CTNNA3: variants seen among roughly 807,000 people sequenced by gnomAD.
The protein encoded by CTNNA3 is catenin alpha-3.
A neutral mutation model predicts 95.7 loss-of-function variants in CTNNA3; 76 were observed. The observed-to-expected ratio is 0.79, with a 90% confidence interval of 0.66 to 0.96. The LOEUF (loss-of-function observed/expected upper bound fraction) is 0.96, where lower values mean the gene tolerates loss of function less well. Among genes scored for constraint, CTNNA3 ranks in the 40% least tolerant of loss-of-function variants. The pLI is 0.00. For missense variants in CTNNA3, 1,191 were observed against 1,089.8 expected (o/e 1.09, Z -1.31); for synonymous variants, 431 against 374.4 (o/e 1.15, Z -1.74).
chr10:66,558,771 G>A (rs1035711134), intron 10 of CTNNA3, among the ~76,000 whole-genome samples: 5 of 152,060 alleles, frequency 3.3e-5, no homozygotes, highest in Admixed American at 3.3e-4. Flanking sequence ...AACTGCTGTG[G>A]GGGAAATGAC....
intron 10 of CTNNA3, among the ~76,000 whole-genome samples, chr10:66,543,941 A>G (rs1029489474): frequency 2.2e-5 from 3 of 134,818 alleles, no homozygotes; most frequent in Non-Finnish European, 4.7e-5. Flanking sequence ...ATATATATAT[A>G]TATATATATA....
intron 2 of CTNNA3, among the ~76,000 whole-genome samples, chr10:67,635,202 GC>G (rs1348109895): frequency 2.0e-5 from 3 of 151,970 alleles, no homozygotes; most frequent in Non-Finnish European, 4.4e-5. Flanking sequence ...CAAAAAAAAG[GC>G]CCATGACCAG....
chr10:66,487,181 A>ATTTTTTTTTTTTTTTTTTTT (rs60547696), intron 11 of CTNNA3, among the ~76,000 whole-genome samples: 1 of 45,986 alleles, frequency 2.2e-5, no homozygotes, highest in African/African-American at 9.0e-5. Context: ...AAAAGGGCAG[A>ATTTTTTTTTTTTTTTTTTTT]TTTTTTTTTT....
intron 10 of CTNNA3, among the ~76,000 whole-genome samples, chr10:66,525,024 G>T (rs537482208): frequency 1.3e-5 from 2 of 151,652 alleles, no homozygotes; most frequent in Non-Finnish European, 2.9e-5. Context: ...ACTCCAGCCT[G>T]GGCAATAAGA....
intron 15 of CTNNA3, among the ~76,000 whole-genome samples, chr10:65,993,719 C>A (rs1440660307): frequency 6.6e-6 from 1 of 152,040 alleles, no homozygotes; most frequent in Non-Finnish European, 1.5e-5. Context: ...GTTTTCAAAT[C>A]CATTCAGCCA....
chr10:67,717,815 C>T (rs1841153218), intron 1 of CTNNA3, among the ~76,000 whole-genome samples: 1 of 151,990 alleles, frequency 6.6e-6, no homozygotes, highest in Non-Finnish European at 1.5e-5. Context: ...TTTTTTGGTT[C>T]CATATGAAAT....
intron 11 of CTNNA3, among the ~76,000 whole-genome samples, chr10:66,421,605 G>C (rs569351177): frequency 5.3e-5 from 8 of 151,766 alleles, no homozygotes; most frequent in Non-Finnish European, 8.8e-5. Context: ...AGCACTTTGG[G>C]AGGCAGATAA....
chr10:67,619,409 T>G (rs1006143056), intron 2 of CTNNA3, among the ~76,000 whole-genome samples: 3 of 152,124 alleles, frequency 2.0e-5, no homozygotes, highest in African/African-American at 7.2e-5. Context: ...AAACTGGATA[T>G]CCATACACAG....
At chr10:66,577,972 C>A (rs896932243) in intron 10 of CTNNA3, among the ~76,000 whole-genome samples, 24 of 151,766 alleles carry the variant, frequency 1.6e-4, no homozygotes, top group African/African-American at 5.8e-4. Flanking sequence ...AATATTTTTC[C>A]ATGTGTTTGC....
chr10:66,961,673 C>G (rs1849115461), intron 7 of CTNNA3, among the ~76,000 whole-genome samples: 1 of 152,066 alleles, frequency 6.6e-6, no homozygotes, highest in Non-Finnish European at 1.5e-5. Flanking sequence ...TGATCTCTCC[C>G]CTGAATTCTA....
intron 15 of CTNNA3, among the ~76,000 whole-genome samples, chr10:66,005,204 C>T (rs909612371): frequency 1.3e-5 from 2 of 152,138 alleles, no homozygotes; most frequent in African/African-American, 4.8e-5. Context: ...TGGACCAACA[C>T]AGATGATTTA....
At chr10:67,700,576 G>A (rs181733854), upstream of CTNNA3, among the ~76,000 whole-genome samples, 963 of 152,312 alleles carry the variant, frequency 6.3e-3, 14 homozygotes, top group African/African-American at 0.022. Flanking sequence ...CTGAATGTTA[G>A]AAGGAAAACT....
At chr10:67,167,668 T>C (rs185108471) in intron 7 of CTNNA3, among the ~76,000 whole-genome samples, 19 of 152,302 alleles carry the variant, frequency 1.2e-4, no homozygotes, top group East Asian at 1.2e-3. Context: ...CTATGACATA[T>C]AGAAAATTTC....
At chr10:67,050,018 T>TTTGTA (rs1854985874) in intron 7 of CTNNA3, among the ~76,000 whole-genome samples, 1 of 152,226 alleles carries the variant, frequency 6.6e-6, no homozygotes, top group African/African-American at 2.4e-5. Context: ...TGTAAGTTAG[T>TTTGTA]AGATGCTGAT....
chr10:67,551,466 A>G (rs1332872419), intron 3 of CTNNA3, among the ~76,000 whole-genome samples: 1 of 152,124 alleles, frequency 6.6e-6, no homozygotes, highest in Non-Finnish European at 1.5e-5. Context: ...GTGTGATCCA[A>G]TTCTTCTGGT....
intron 2 of CTNNA3, among the ~76,000 whole-genome samples, chr10:67,635,120 G>A (rs1839263916): frequency 6.6e-6 from 1 of 151,874 alleles, no homozygotes; most frequent in Admixed American, 6.6e-5. Context: ...GACTGAACCA[G>A]GAAAAAACTG....
At chr10:67,728,954 T>C (rs1190249812) in intron 1 of CTNNA3, among the ~76,000 whole-genome samples, 2 of 152,148 alleles carry the variant, frequency 1.3e-5, no homozygotes, top group Non-Finnish European at 2.9e-5. Context: ...CTAGAGGAAA[T>C]GATGCCTCCT....
intron 10 of CTNNA3, among the ~76,000 whole-genome samples, chr10:66,545,192 C>T (rs1053375786): frequency 6.6e-6 from 1 of 151,920 alleles, no homozygotes; most frequent in African/African-American, 2.4e-5. Context: ...AACCAATACC[C>T]AAGTTGTGGA....
chr10:67,639,124 AG>A (rs1839430883), intron 2 of CTNNA3, among the ~76,000 whole-genome samples: 1 of 152,176 alleles, frequency 6.6e-6, no homozygotes, highest in African/African-American at 2.4e-5. Context: ...AGACTAATAA[AG>A]AAGAAAAAGA....
Sources: allele counts gnomAD v4.1 joint callset (sites outside exome capture counted in the v4.1 genomes callset), GRCh38; gene constraint gnomAD v4.1.1; transcripts MANE v1.5; gene names NCBI Gene and HGNC (gene_info 2026-07-23, HGNC 2026-07-21).